Variants in PDE10A observed in about 807,000 individuals in gnomAD.
PDE10A encodes the protein phosphodiesterase 10A, also known as cAMP and cAMP-inhibited cGMP 3',5'-cyclic phosphodiesterase 10A.
Under a neutral mutation model 97.7 loss-of-function variants are expected in PDE10A, and 39 were observed. The ratio of observed to expected loss-of-function variants is 0.40; its 90% CI spans 0.31 to 0.52. The LOEUF (loss-of-function observed/expected upper bound fraction) is 0.52, where lower values mean the gene tolerates loss of function less well. Among genes scored for constraint, PDE10A ranks in the 20% least tolerant of loss-of-function variants. PDE10A has a pLI of 0.56. For synonymous variants in PDE10A, 371 were observed against 376.8 expected (o/e 0.98, Z 0.18); for missense variants, 731 against 1,047.8 (o/e 0.70, Z 4.17).
intron 18 of PDE10A, among the ~76,000 whole-genome samples, chr6:165,369,559 C>G (rs1260961744): frequency 6.9e-6 from 1 of 145,712 alleles, no homozygotes; most frequent in Non-Finnish European, 1.5e-5. Context: ...GCAAAGCCTC[C>G]AAGAAATATG....
chr6:165,428,786 G>A, intron 9 of PDE10A, 77 bp from the exon 10 acceptor site: 1 of 575,442 alleles, frequency 1.7e-6, no homozygotes. Context: ...TTCATTTCCT[G>A]GTTTTGTCTA....
chr6:165,867,668 A>G (rs1781096691), intron 1 of PDE10A, among the ~76,000 whole-genome samples: 1 of 152,062 alleles, frequency 6.6e-6, no homozygotes, highest in Non-Finnish European at 1.5e-5. Context: ...GCACCATAGA[A>G]TAAATATACC....
chr6:165,847,313 C>T (rs115558864), intron 1 of PDE10A, among the ~76,000 whole-genome samples: 2,408 of 152,280 alleles, frequency 0.016, 66 homozygotes, highest in African/African-American at 0.053. Context: ...TGCAAGCTGA[C>T]GGTGGCTGTC....
intron 19 of PDE10A, among the ~76,000 whole-genome samples, chr6:165,340,830 C>T (rs1781927979): frequency 1.3e-5 from 2 of 152,080 alleles, no homozygotes; most frequent in African/African-American, 4.8e-5. Context: ...AGGGGGCCAG[C>T]CATGTGGGGC....
intron 3 of PDE10A, among the ~76,000 whole-genome samples, chr6:165,468,245 AT>A (rs914985458): frequency 1.3e-5 from 2 of 149,618 alleles, no homozygotes; most frequent in African/African-American, 2.5e-5. Flanking sequence ...TGCTAGGCTA[AT>A]TTTTTTTTAT....
chr6:165,637,255 A>G (rs973386218), intron 1 of PDE10A, among the ~76,000 whole-genome samples: 4 of 152,148 alleles, frequency 2.6e-5, no homozygotes, highest in African/African-American at 9.7e-5. Flanking sequence ...GCAAAGAATC[A>G]CAGATCAAGG....
intron 1 of PDE10A, among the ~76,000 whole-genome samples, chr6:165,864,507 G>A (rs572508460): frequency 4.6e-5 from 7 of 152,292 alleles, no homozygotes; most frequent in African/African-American, 1.7e-4. Context: ...ATTAGTCAAA[G>A]ACCAAAGCAG....
chr6:165,342,139 C>T (rs777443049), intron 19 of PDE10A, among the ~76,000 whole-genome samples: 10 of 151,910 alleles, frequency 6.6e-5, no homozygotes, highest in African/African-American at 2.4e-4. Context: ...ATGATAAAAT[C>T]GACTAGTATC....
At position 165,682,202 on chromosome 6, in the gene PDE10A, G is replaced by T. The variant is rs545308425; in HGVS notation, c.-614-138634C>A. ...GCTGGAGTGCAGTGGCTGCGATCAC[G>T]GCTCACTGCAGCCTCAACCACAGGG... On this transcript the variant is annotated intron_variant, in intron 1 of 19. Transcript: ENST00000366882. Among the ~76,000 whole-genome samples the T allele has an allele frequency of 3.9e-5, 6 of 152,222 alleles. 1 individual carries two copies. Among genetic ancestry groups the T allele is most frequent in the African/African-American group, 1.4e-4 (6 of 41,536 alleles).
At chr6:165,433,800 G>T (rs990617447) in intron 6 of PDE10A, among the ~76,000 whole-genome samples, 3 of 152,010 alleles carry the variant, frequency 2.0e-5, no homozygotes, top group Non-Finnish European at 4.4e-5. Flanking sequence ...CGGATCACGA[G>T]GTCAGGAGAT....
chr6:165,913,843 A>T, intron 1 of PDE10A, among the ~76,000 whole-genome samples: 1 of 152,222 alleles, frequency 6.6e-6, no homozygotes, highest in Non-Finnish European at 1.5e-5. Context: ...AAGGTCACAC[A>T]TGTGTGAGAC....
At chr6:165,645,145 T>G (rs1329935551) in intron 1 of PDE10A, among the ~76,000 whole-genome samples, 1 of 152,192 alleles carries the variant, frequency 6.6e-6, no homozygotes, top group Non-Finnish European at 1.5e-5. Context: ...TGAGCCTTGC[T>G]GCTTTCATCC....
intron 1 of PDE10A, among the ~76,000 whole-genome samples, chr6:165,627,009 G>T (rs912550305): frequency 6.6e-6 from 1 of 152,188 alleles, no homozygotes; most frequent in Non-Finnish European, 1.5e-5. Context: ...AGGAGAAAAT[G>T]ATATTCACTG....
chr6:165,435,509 G>T, intron 5 of PDE10A, 132 bp from the exon 6 acceptor site: 1 of 693,350 alleles, frequency 1.4e-6, no homozygotes, highest in Non-Finnish European at 2.2e-6. Flanking sequence ...GAGGAAAGGT[G>T]CTTTGCCATG....
chr6:165,969,562 A>G (rs924541054), intron 1 of PDE10A, among the ~76,000 whole-genome samples: 1 of 152,168 alleles, frequency 6.6e-6, no homozygotes, highest in Admixed American at 6.5e-5. Flanking sequence ...AGGCTGGCGC[A>G]AAAGTAATTG....
At chr6:165,506,921 C>A (rs1781228721) in intron 2 of PDE10A, among the ~76,000 whole-genome samples, 1 of 152,098 alleles carries the variant, frequency 6.6e-6, no homozygotes, top group Non-Finnish European at 1.5e-5. Flanking sequence ...GAAGCACAGC[C>A]TCTCTGTTTT....
chr6:165,388,064 T>C lies in PDE10A; in HGVS notation c.2610+234A>G, dbSNP rs908287790. Among the ~76,000 whole-genome samples the C allele has an allele frequency of 2.6e-5, 4 of 152,194 alleles. No individual in the cohort carries two copies. Among genetic ancestry groups the C allele is most frequent in the African/African-American group, 7.2e-5 (3 of 41,460 alleles). ...TTAGGGTTACAGGTACTTACTGATA[T>C]AATGTTTAAAAAACAAATGTGATTG... On this transcript the variant is annotated intron_variant, in intron 17 of 21. Transcript: ENST00000539869. This position sits in a 1 kb window ranked among gnomAD's most constrained non-coding sequence, Gnocchi z 4.0.
At chr6:165,806,291 G>C (rs887265177) in intron 1 of PDE10A, among the ~76,000 whole-genome samples, 1 of 152,078 alleles carries the variant, frequency 6.6e-6, no homozygotes, top group Non-Finnish European at 1.5e-5. Flanking sequence ...CATGGGACCC[G>C]CCTGTCACTG....
intron 1 of PDE10A, among the ~76,000 whole-genome samples, chr6:165,756,511 C>T (rs747445160): frequency 6.6e-6 from 1 of 152,036 alleles, no homozygotes; most frequent in South Asian, 2.1e-4. Context: ...TATTATATTG[C>T]TGTTTTGAAT....
Sources: gnomAD v4.1 joint callset for allele counts (sites outside exome capture counted in the v4.1 genomes callset) on GRCh38, gnomAD v4.1.1 for gene constraint, Gnocchi (gnomAD v3.1) non-coding constraint, MANE v1.5 for transcripts, NCBI Gene and HGNC (gene_info 2026-07-23, HGNC 2026-07-21) for gene names.